ITGA9: variants seen among roughly 807,000 people sequenced by gnomAD.
The protein encoded by ITGA9 is integrin subunit alpha 9, also known as integrin alpha-9.
In ITGA9, 56 loss-of-function variants were observed where a neutral mutation model predicts 127.8. The observed-to-expected ratio is 0.44, with a 90% confidence interval of 0.35 to 0.55. The LOEUF is 0.55. Ranked by LOEUF, ITGA9 falls within the 20% of genes least tolerant of loss-of-function variation. The pLI is 0.00. For synonymous variants in ITGA9, 508 were observed against 514.5 expected, an observed-to-expected ratio of 0.99 and a Z score of 0.17; for missense variants, 1,196 against 1,347.1, an observed-to-expected ratio of 0.89 and a Z score of 1.76.
At chr3:37,585,001 G>T (rs1424090158) in intron 15 of ITGA9, among the ~76,000 whole-genome samples, 1 of 152,020 alleles carries the variant, frequency 6.6e-6, no homozygotes, top group Non-Finnish European at 1.5e-5. Context: ...GGAAAAAGAG[G>T]GTGGAAGAGT....
intron 15 of ITGA9, among the ~76,000 whole-genome samples, chr3:37,571,648 C>T (rs1699603454): frequency 6.6e-6 from 1 of 152,122 alleles, no homozygotes; most frequent in African/African-American, 2.4e-5. Flanking sequence ...CATTTCAAAG[C>T]ACTTTCTGGA....
intron 15 of ITGA9, among the ~76,000 whole-genome samples, chr3:37,628,476 C>T (rs186377053): frequency 2.0e-4 from 31 of 152,292 alleles, no homozygotes; most frequent in African/African-American, 7.2e-4. Flanking sequence ...TTCATTTCCC[C>T]TTTCCTTTTC....
chr3:37,741,093 A>G (rs1164907399), intron 20 of ITGA9, among the ~76,000 whole-genome samples: 4 of 152,170 alleles, frequency 2.6e-5, no homozygotes, highest in Non-Finnish European at 5.9e-5. Context: ...TTCGTGGAAC[A>G]GGCACTTACA....
intron 6 of ITGA9, among the ~76,000 whole-genome samples, chr3:37,504,625 G>A (rs149303356): frequency 6.7e-4 from 102 of 152,322 alleles, no homozygotes; most frequent in African/African-American, 2.3e-3. Context: ...AGAAAGCCCA[G>A]TTTGGATGAT....
intron 16 of ITGA9, among the ~76,000 whole-genome samples, chr3:37,645,687 A>G (rs920764553): frequency 6.6e-6 from 1 of 152,178 alleles, no homozygotes; most frequent in African/African-American, 2.4e-5. Flanking sequence ...TGGTTGTCAT[A>G]TCAACCCTAT....
intron 1 of ITGA9, among the ~76,000 whole-genome samples, chr3:37,462,281 C>T (rs13098959): frequency 0.3 from 46,122 of 152,100 alleles, 7,405 homozygotes; most frequent in Middle Eastern, 0.43. Flanking sequence ...ACCCTGCCCC[C>T]GTGCCTCTGC....
intron 18 of ITGA9, among the ~76,000 whole-genome samples, chr3:37,694,114 AG>A (rs1438415684): frequency 6.6e-6 from 1 of 152,214 alleles, no homozygotes; most frequent in Admixed American, 6.5e-5. Context: ...GTATAACGCC[AG>A]GTAGAAAAGC....
At chr3:37,700,537 TG>T (rs1420862226) in intron 18 of ITGA9, among the ~76,000 whole-genome samples, 1 of 151,614 alleles carries the variant, frequency 6.6e-6, no homozygotes, top group Admixed American at 6.6e-5. Flanking sequence ...TCTGTAGAGA[TG>T]GGGGTTTTGC....
In ITGA9 at chr3:37,662,396, A is replaced by AT. The variant is rs200776521; in HGVS notation, c.1916+8606_1916+8607insT. 3.7e-4 allele frequency among the ~76,000 whole-genome samples: 56 copies of AT among 151,720 alleles called. No individual in the cohort carries two copies. In the East Asian group the frequency reaches 0.01, roughly 28 times the overall value. ...CCAGCCTGGGTGACCGGGGGCAAAAAAATAATAATAATAATGCAGCTGGGC... is the reference window on the plus strand; with the variant it reads ...CCAGCCTGGGTGACCGGGGGCAAAAATAATAATAATAATAATGCAGCTGGGC... On this transcript the variant is annotated intron_variant, in intron 17 of 27. Coordinates refer to ENST00000264741, the MANE Select transcript of ITGA9 (RefSeq NM_002207.3).
intron 18 of ITGA9, among the ~76,000 whole-genome samples, chr3:37,691,950 C>G (rs1286113462): frequency 6.6e-6 from 1 of 152,186 alleles, no homozygotes; most frequent in East Asian, 1.9e-4. Context: ...ATTTTAGAAG[C>G]TGCTAGAAGT....
At chr3:37,479,368 T>C (rs1285605768) in intron 3 of ITGA9, among the ~76,000 whole-genome samples, 2 of 152,260 alleles carry the variant, frequency 1.3e-5, no homozygotes, top group Non-Finnish European at 2.9e-5. Flanking sequence ...TTCTGTAGTT[T>C]AATGTCATAC....
At chr3:37,718,854 G>A (rs961546847) in intron 18 of ITGA9, among the ~76,000 whole-genome samples, 1 of 152,106 alleles carries the variant, frequency 6.6e-6, no homozygotes, top group Non-Finnish European at 1.5e-5. Context: ...GATTGTCATC[G>A]TCACCTTTCC....
chr3:37,642,841 C>T (rs1401990497), intron 16 of ITGA9, among the ~76,000 whole-genome samples: 2 of 152,212 alleles, frequency 1.3e-5, no homozygotes, highest in Non-Finnish European at 2.9e-5. Context: ...CACCCCACAC[C>T]CCTCAATGCA....
chr3:37,718,562 G>T (rs763129007), intron 18 of ITGA9, among the ~76,000 whole-genome samples: 12 of 152,130 alleles, frequency 7.9e-5, no homozygotes, highest in Non-Finnish European at 1.8e-4. Flanking sequence ...TGTTTCAAAG[G>T]CTAGTGTAGA....
chr3:37,494,256 A>G (rs1200595512), intron 4 of ITGA9, among the ~76,000 whole-genome samples: 1 of 152,176 alleles, frequency 6.6e-6, no homozygotes, highest in African/African-American at 2.4e-5. Flanking sequence ...TCTTTCTCGC[A>G]CACGAGGGGA....
chr3:37,456,963 G>A (rs1008920214), intron 1 of ITGA9, among the ~76,000 whole-genome samples: 1 of 152,128 alleles, frequency 6.6e-6, no homozygotes, highest in African/African-American at 2.4e-5. Context: ...TACTGCATTG[G>A]ACACAACACA....
In ITGA9 at chr3:37,812,816, G is replaced by T. The variant is rs369621487; in HGVS notation, c.3010-6075G>T. On this transcript the variant is annotated intron_variant, in intron 27 of 27. Transcript: ENST00000264741. ...CAAATGGTGAAGCAAGCACTGGAAGGTTCCAGAAAAAATGCAGAAAAACAT... is the reference window on the plus strand; with the variant it reads ...CAAATGGTGAAGCAAGCACTGGAAGTTTCCAGAAAAAATGCAGAAAAACAT... Among the ~76,000 whole-genome samples the T allele has an allele frequency of 9.2e-5, 14 of 152,378 alleles. No individual in the cohort carries two copies. In the South Asian group the frequency reaches 2.9e-3, roughly 32 times the overall value.
At chr3:37,490,007 A>G (rs569009429) in intron 4 of ITGA9, among the ~76,000 whole-genome samples, 52 of 151,920 alleles carry the variant, frequency 3.4e-4, no homozygotes, top group Non-Finnish European at 6.8e-4. Context: ...TCAACTGCAT[A>G]GTCTGAGCTA....
rs142314220 is a variant in ITGA9 at position 37,607,184 on chromosome 3, G to A, written c.1690-22003G>A. ...CTTTATGTTCAGCAAGGAACTCTCA[G>A]TGTTTGTCCATTTCCTTAGGAACAT... On this transcript the variant is annotated intron_variant, in intron 15 of 27. Coordinates refer to ENST00000264741, the MANE Select transcript of ITGA9 (RefSeq NM_002207.3). 4.2e-3 allele frequency among the ~76,000 whole-genome samples: 637 copies of A among 151,970 alleles called. 4 individuals are homozygous for A. The highest frequency in any genetic ancestry group is 0.015 in the African/African-American group (610 of 41,442).
Sources: gnomAD v4.1 joint callset for allele counts (sites outside exome capture counted in the v4.1 genomes callset) on GRCh38, gnomAD v4.1.1 for gene constraint, MANE v1.5 for transcripts, NCBI Gene and HGNC (gene_info 2026-07-23, HGNC 2026-07-21) for gene names.